ZNRF3: variants seen among roughly 807,000 people sequenced by gnomAD.
ZNRF3 encodes zinc and ring finger 3.
Under a neutral mutation model 72.5 loss-of-function variants are expected in ZNRF3, and 23 were observed. The observed-to-expected ratio is 0.32, with a 90% CI of 0.23 to 0.45. The LOEUF is 0.45. Among genes scored for constraint, ZNRF3 ranks in the 20% least tolerant of loss-of-function variants. The pLI, the probability that ZNRF3 is intolerant of heterozygous loss-of-function variation, is 1.00. For missense variants in ZNRF3, 1,169 were observed against 1,272.1 expected (o/e 0.92, Z 1.23); for synonymous variants, 610 against 545.3 (o/e 1.12, Z -1.65).
chr22:28,980,536 A>C (rs1164997457), intron 1 of ZNRF3, among the ~76,000 whole-genome samples: 1 of 152,204 alleles, frequency 6.6e-6, no homozygotes, highest in Non-Finnish European at 1.5e-5. Flanking sequence ...TAAGAGCCAC[A>C]GTTTCATAAT....
At chr22:28,984,343 A>G (rs186951204) in intron 1 of ZNRF3, among the ~76,000 whole-genome samples, 95 of 152,116 alleles carry the variant, frequency 6.2e-4, no homozygotes, top group Non-Finnish European at 7.4e-5. Context: ...GGCAACCACT[A>G]GTCTTCTTTC....
intron 1 of ZNRF3, among the ~76,000 whole-genome samples, chr22:28,975,991 A>G (rs1437158197): frequency 6.6e-6 from 1 of 152,150 alleles, no homozygotes; most frequent in South Asian, 2.1e-4. Flanking sequence ...ACTATAAATT[A>G]GTTGCATATA....
At chr22:28,998,735 A>G (rs1174489017) in intron 2 of ZNRF3, among the ~76,000 whole-genome samples, 3 of 152,256 alleles carry the variant, frequency 2.0e-5, no homozygotes, top group Non-Finnish European at 2.9e-5. Context: ...TAGATCAGAG[A>G]CATTTTTAGC....
At chr22:28,921,222 C>G (rs117753131) in intron 1 of ZNRF3, among the ~76,000 whole-genome samples, 74 of 152,288 alleles carry the variant, frequency 4.9e-4, no homozygotes, top group Middle Eastern at 3.4e-3. Flanking sequence ...AAGCCCCCCC[C>G]ACCCCTAGTA....
At chr22:28,968,747 A>G (rs2035519561) in intron 1 of ZNRF3, among the ~76,000 whole-genome samples, 1 of 152,186 alleles carries the variant, frequency 6.6e-6, no homozygotes. Context: ...CCCTATTTTC[A>G]TTTAATCTCA....
chr22:28,934,546 G>A (rs972032402), intron 1 of ZNRF3, among the ~76,000 whole-genome samples: 8 of 152,140 alleles, frequency 5.3e-5, no homozygotes, highest in African/African-American at 1.7e-4. Context: ...GGTTGGGCGC[G>A]GTGGCTCATT....
rs2037128699 is a variant in ZNRF3, at chr22:29,049,108, T to C, written c.1016-89T>C. 2.1e-6 allele frequency: 3 copies of C among 1,425,724 alleles called. No individual in the cohort carries two copies. The highest frequency in any genetic ancestry group is 2.8e-6 in the Non-Finnish European group (3 of 1,053,210). 88.3% of individuals were successfully genotyped at this position (1,425,724 alleles called of 1,614,324 possible). On this transcript the variant is annotated intron_variant, in intron 7 of 8. Transcript: ENST00000544604. The surrounding 1 kb of genome is among the most constrained non-coding windows in gnomAD (Gnocchi z 5.2). ...CTTGGCAGGTGACCAAGCCTGCTGCTTCAGCCTTTGCCCGTTTTAAAAATC... is the reference window on the plus strand; with the variant it reads ...CTTGGCAGGTGACCAAGCCTGCTGCCTCAGCCTTTGCCCGTTTTAAAAATC...
At chr22:28,962,645 G>C (rs986837916) in intron 1 of ZNRF3, among the ~76,000 whole-genome samples, 1 of 152,226 alleles carries the variant, frequency 6.6e-6, no homozygotes, top group Non-Finnish European at 1.5e-5. Flanking sequence ...GTGTGTGTCA[G>C]CCTCAATGTC....
At chr22:28,983,885 C>T (rs1380614199) in intron 1 of ZNRF3, among the ~76,000 whole-genome samples, 1 of 152,050 alleles carries the variant, frequency 6.6e-6, no homozygotes, top group Non-Finnish European at 1.5e-5. Context: ...CATGTAGATC[C>T]TGAGTCCCTG....
At chr22:28,995,493 T>C (rs1325477963) in intron 2 of ZNRF3, among the ~76,000 whole-genome samples, 1 of 152,156 alleles carries the variant, frequency 6.6e-6, no homozygotes, top group Non-Finnish European at 1.5e-5. Context: ...GAACCTGATA[T>C]GTACCACAGT....
intron 1 of ZNRF3, among the ~76,000 whole-genome samples, chr22:28,886,299 G>C (rs1408500607): frequency 1.3e-5 from 2 of 152,220 alleles, no homozygotes; most frequent in African/African-American, 2.4e-5. Context: ...GGCTGATGAT[G>C]TTTTAGGGCC....
chr22:28,982,039 A>G (rs932334308), intron 1 of ZNRF3, among the ~76,000 whole-genome samples: 15 of 151,884 alleles, frequency 9.9e-5, no homozygotes, highest in Admixed American at 3.3e-4. Flanking sequence ...ACTTTTTCCA[A>G]AGGTCTCTCT....
chr22:28,959,267 CA>C (rs916734804), intron 1 of ZNRF3, among the ~76,000 whole-genome samples: 9 of 152,230 alleles, frequency 5.9e-5, no homozygotes, highest in African/African-American at 2.2e-4. Flanking sequence ...GGTAGGTGAA[CA>C]CCTCACCTTA....
chr22:28,977,428 GA>G (rs542730754), intron 1 of ZNRF3, among the ~76,000 whole-genome samples: 79 of 151,954 alleles, frequency 5.2e-4, no homozygotes, highest in Middle Eastern at 3.4e-3. Context: ...ATAGAAGAGG[GA>G]AAAAAAATCC....
chr22:28,972,523 T>C (rs1375132236), intron 1 of ZNRF3, among the ~76,000 whole-genome samples: 1 of 152,240 alleles, frequency 6.6e-6, no homozygotes, highest in Non-Finnish European at 1.5e-5. Context: ...CTGATGGACA[T>C]TCACATTGTT....
intron 2 of ZNRF3, among the ~76,000 whole-genome samples, chr22:29,028,981 C>G (rs1319052091): frequency 6.6e-6 from 1 of 152,236 alleles, no homozygotes; most frequent in Non-Finnish European, 1.5e-5. Context: ...CTAGCCCTTA[C>G]AGACCTCTCT....
chr22:29,052,687 G>A lies in ZNRF3; in HGVS notation c.2768-892G>A, dbSNP rs920444135. Among the ~76,000 whole-genome samples the A allele has an allele frequency of 4.4e-5, 5 of 114,270 alleles. 1 individual carries two copies. Among genetic ancestry groups the A allele is most frequent in the South Asian group, 3.4e-4 (1 of 2,982 alleles). 75.0% of individuals were successfully genotyped at this position (114,270 alleles called of 152,430 possible). A position where few individuals can be genotyped will look rare whatever the true frequency, so the allele number is the denominator to read the frequency against. On this transcript the variant is annotated intron_variant, in intron 8 of 8. Transcript: ENST00000544604. ...CAGCCTGGCGACAGAGCGAGACTCCGTCTCAAAAAAAAAAAAAAAAAGTTA... is the reference window on the plus strand; with the variant it reads ...CAGCCTGGCGACAGAGCGAGACTCCATCTCAAAAAAAAAAAAAAAAAGTTA...
chr22:28,902,982 A>T (rs895074655), intron 1 of ZNRF3, among the ~76,000 whole-genome samples: 6 of 149,442 alleles, frequency 4.0e-5, no homozygotes, highest in Non-Finnish European at 7.4e-5. Flanking sequence ...TAACATAGGA[A>T]TTTTTTTTTT....
At chr22:28,907,216 C>A (rs1376446503) in intron 1 of ZNRF3, among the ~76,000 whole-genome samples, 1 of 150,970 alleles carries the variant, frequency 6.6e-6, no homozygotes, top group Non-Finnish European at 1.5e-5. Context: ...TGGTCTCGAA[C>A]TCCTGAGCTC....
Sources: allele counts gnomAD v4.1 joint callset (sites outside exome capture counted in the v4.1 genomes callset), GRCh38; gene constraint gnomAD v4.1.1; non-coding constraint Gnocchi (gnomAD v3.1); transcripts MANE v1.5; gene names NCBI Gene and HGNC (gene_info 2026-07-23, HGNC 2026-07-21).